Variants in GGCT observed in about 807,000 individuals in gnomAD.
GGCT encodes gamma-glutamylcyclotransferase, also known as cytochrome c-releasing factor 21.
Under a neutral mutation model 22.1 loss-of-function variants are expected in GGCT, and 20 were observed. That is an observed-to-expected ratio of 0.91 (90% CI 0.64 to 1.32). GGCT has a LOEUF of 1.32. Among genes scored for constraint, GGCT ranks in the 40% most tolerant of loss-of-function variants. The pLI is 0.00. For synonymous variants in GGCT, 72 were observed against 78.4 expected (o/e 0.92, Z 0.43); for missense variants, 209 against 223.5 (o/e 0.94, Z 0.41).
At position 30,496,739 on chromosome 7, in the gene GGCT, C is replaced by G. The variant is rs560907461; in HGVS notation, c.*353G>C. 3.7e-5 allele frequency: 6 copies of G among 163,214 alleles called. No individual in the cohort carries two copies. The East Asian group carries it at 8.5e-4, about 23-fold the overall frequency. 10.1% of individuals were successfully genotyped at this position (163,214 alleles called of 1,614,324 possible). ...TAAGCTGATTTTTAAAAATCTCAGA[C>G]AGAGCAGAGCAATTCACCAGCACCA... On this transcript the variant is annotated 3_prime_UTR_variant, in exon 4 of 4. Coordinates refer to ENST00000275428, the MANE Select transcript of GGCT (RefSeq NM_024051.4).
intron 1 of GGCT, among the ~76,000 whole-genome samples, chr7:30,503,171 G>A (rs2128124350): frequency 6.6e-6 from 1 of 152,318 alleles, no homozygotes; most frequent in South Asian, 2.1e-4. Flanking sequence ...GAGCATCCTG[G>A]TTAGGTCAGG....
Position 30,504,735 on chromosome 7 carries a change from C to A in GGCT, c.-26G>T. 1.2e-6 allele frequency: 2 copies of A among 1,612,778 alleles called. No individual in the cohort carries two copies. The highest frequency in any genetic ancestry group is 1.7e-6 in the Non-Finnish European group (2 of 1,178,906). On this transcript the variant is annotated 5_prime_UTR_variant, in exon 1 of 4. Coordinates refer to ENST00000275428, the MANE Select transcript of GGCT (RefSeq NM_024051.4). ...ATCCCACTACGCCCCTGCACTGGAG[C>A]CTGAAGCAGAGTGTAAGGAACGGCC...
At position 30,497,896 on chromosome 7, in the gene GGCT, C is replaced by A. The variant is rs1452604309; in HGVS notation, c.424-661G>T. ...AGGCAGTGTGACGTTTCTTTCTCCA[C>A]CTAGGGATGAAAAACATTTCAGCAG... is the stretch of plus-strand genomic sequence containing the variant. On this transcript the variant is annotated intron_variant, in intron 3 of 3. Transcript: ENST00000275428. 2.1e-6 allele frequency: 3 copies of A among 1,398,862 alleles called. No individual in the cohort carries two copies. The South Asian group carries it at 5.0e-5, about 23-fold the overall frequency. The allele number at this position is 1,398,862 out of a possible 1,614,324, so 86.7% of individuals were successfully genotyped here.
intron 1 of GGCT, among the ~76,000 whole-genome samples, chr7:30,504,062 T>C (rs1002922002): frequency 6.6e-6 from 1 of 152,196 alleles, no homozygotes. Context: ...ACACTGGTTA[T>C]AGTTCATGCA....
chr7:30,502,157 T>C (rs1789717325), intron 1 of GGCT, among the ~76,000 whole-genome samples: 2 of 152,254 alleles, frequency 1.3e-5, no homozygotes, highest in African/African-American at 2.4e-5. Flanking sequence ...GTCTAGGCCA[T>C]GGGTGTCCAA....
chr7:30,500,441 G>A (rs1789672811), intron 2 of GGCT, 95 bp downstream of exon 2: 1 of 908,688 alleles, frequency 1.1e-6, no homozygotes, highest in Non-Finnish European at 1.8e-6. Context: ...TCTGTAGTAT[G>A]TGGTTTTGAA....
At chr7:30,500,484 A>C in intron 2 of GGCT, 52 bp downstream of exon 2, 2 of 1,457,526 alleles carry the variant, frequency 1.4e-6, no homozygotes, top group Non-Finnish European at 1.9e-6. Context: ...CCTCACATAC[A>C]ATCTGCTTTC....
intron 2 of GGCT, among the ~76,000 whole-genome samples, chr7:30,500,170 C>T (rs1167877758): frequency 6.6e-6 from 1 of 152,126 alleles, no homozygotes; most frequent in Non-Finnish European, 1.5e-5. Context: ...AATAATTGTT[C>T]TTTAAAAACT....
At position 30,498,848 on chromosome 7, in the gene GGCT, C is replaced by T. The variant is rs1186599063; in HGVS notation, c.378G>A (p.Leu126=). ...EGKEITCRSY[L]MTNYESAPPS... is the part of the protein sequence containing the mutation. Reference sequence around the variant, plus strand: ...GGGGAGCACTTTCGTAATTTGTCATCAGATAACTTCGACAGGTTATTTCTT... The same window carrying T: ...GGGGAGCACTTTCGTAATTTGTCATTAGATAACTTCGACAGGTTATTTCTT... The change falls in exon 3 of 4, where the codon CTG becomes CTA. Residue 126 remains leucine, a synonymous_variant. Coordinates refer to ENST00000275428, the MANE Select transcript of GGCT (RefSeq NM_024051.4). 1 of 1,612,972 alleles carries T rather than the reference C, an allele frequency of 6.2e-7. No homozygotes were observed. Among genetic ancestry groups the T allele is most frequent in the East Asian group, 2.2e-5 (1 of 44,876 alleles).
At chr7:30,504,458 C>T (rs13244355) in intron 1 of GGCT, 111 bp downstream of exon 1, 147,024 of 1,266,592 alleles carry the variant, frequency 0.12, 9,418 homozygotes, top group Non-Finnish European at 0.13. Context: ...CGTCCTAGTA[C>T]CCTCATCAAG....
At chr7:30,499,276 G>A (rs953825835) in intron 2 of GGCT, among the ~76,000 whole-genome samples, 2 of 151,798 alleles carry the variant, frequency 1.3e-5, no homozygotes, top group Non-Finnish European at 2.9e-5. Flanking sequence ...GCGTGGTGGT[G>A]GGCGCCTATA....
At chr7:30,501,639 C>G (rs1789705988) in intron 1 of GGCT, among the ~76,000 whole-genome samples, 1 of 152,100 alleles carries the variant, frequency 6.6e-6, no homozygotes, top group African/African-American at 2.4e-5. Context: ...AAAAAATAAA[C>G]AAAAACAAAA....
At chr7:30,498,006 CATAT>C (rs576048451) in intron 3 of GGCT, 97 of 192,980 alleles carry the variant, frequency 5.0e-4, no homozygotes, top group East Asian at 1.0e-3. Flanking sequence ...ATTACAAAAG[CATAT>C]ATATATATAT....
intron 1 of GGCT, among the ~76,000 whole-genome samples, chr7:30,503,675 T>C (rs1284593999): frequency 3.9e-5 from 6 of 152,048 alleles, no homozygotes; most frequent in Non-Finnish European, 8.8e-5. Flanking sequence ...TGATGCCCAC[T>C]GTATTACAGT....
intron 1 of GGCT, among the ~76,000 whole-genome samples, 160 bp downstream of exon 1, chr7:30,504,409 G>A (rs1202452098): frequency 2.6e-5 from 4 of 152,280 alleles, no homozygotes; most frequent in Non-Finnish European, 5.9e-5. Context: ...GGCAGTGGGC[G>A]CAGCGGAGGA....
intron 1 of GGCT, among the ~76,000 whole-genome samples, chr7:30,503,633 T>C (rs38413): frequency 0.71 from 107,540 of 151,980 alleles, 38,149 homozygotes; most frequent in Middle Eastern, 0.76. Context: ...AGCAGTGGCG[T>C]GGAAGAGGCT....
intron 1 of GGCT, among the ~76,000 whole-genome samples, chr7:30,500,985 T>C (rs1434733452): frequency 1.3e-5 from 2 of 152,168 alleles, no homozygotes; most frequent in East Asian, 3.8e-4. Context: ...AACACAATTG[T>C]TTTCATTTTT....
chr7:30,497,759 C>T (rs901180848), intron 3 of GGCT: 3 of 1,437,176 alleles, frequency 2.1e-6, no homozygotes, highest in Non-Finnish European at 1.8e-6. Flanking sequence ...GGTGCCATGA[C>T]CTGATTGGGC....
chr7:30,504,108 AT>A (rs1789767888), intron 1 of GGCT, among the ~76,000 whole-genome samples: 1 of 152,210 alleles, frequency 6.6e-6, no homozygotes, highest in Non-Finnish European at 1.5e-5. Flanking sequence ...ATTATTACAA[AT>A]AAGACATGGT....
Sources: gnomAD v4.1 joint callset for allele counts (sites outside exome capture counted in the v4.1 genomes callset) on GRCh38, gnomAD v4.1.1 for gene constraint, MANE v1.5 for transcripts, NCBI Gene and HGNC (gene_info 2026-07-23, HGNC 2026-07-21) for gene names.